The following CDC23 variants were observed in gnomAD, a reference collection of about 807,000 sequenced individuals.
The protein encoded by CDC23 is cell division cycle 23, also known as cell division cycle protein 23 homolog.
CDC23 carries 26 observed loss-of-function variants against 81.7 expected under a neutral mutation model. The ratio of observed to expected loss-of-function variants is 0.32; its 90% CI spans 0.23 to 0.44. The LOEUF (loss-of-function observed/expected upper bound fraction) is 0.44. Ranked by LOEUF, CDC23 falls within the 20% of genes least tolerant of loss-of-function variation. The pLI, the probability that CDC23 is intolerant of heterozygous loss-of-function variation, is 1.00. For missense variants in CDC23, 519 were observed against 728.0 expected, an observed-to-expected ratio of 0.71 and a Z score of 3.30; for synonymous variants, 267 against 270.8, an observed-to-expected ratio of 0.99 and a Z score of 0.14.
chr5:138,197,793 C>A (rs1754933852), intron 9 of CDC23, among the ~76,000 whole-genome samples: 1 of 152,238 alleles, frequency 6.6e-6, no homozygotes, highest in Admixed American at 6.5e-5. Flanking sequence ...CCGCGCCCAG[C>A]CCCTACACAT....
Position 138,188,914 on chromosome 5 carries a change from C to G in CDC23, c.*64G>C. 6.6e-7 allele frequency: 1 copy of G among 1,518,538 alleles called. No individual in the cohort carries two copies. The highest frequency in any genetic ancestry group is 9.0e-7 in the Non-Finnish European group (1 of 1,114,800). 94.1% of individuals were successfully genotyped at this position (1,518,538 alleles called of 1,614,324 possible). On this transcript the variant is annotated 3_prime_UTR_variant, in exon 16 of 16. Transcript: ENST00000394886. ...AGGTCCTTGGAACAGACGTGCTGTT[C>G]TTTACATGGAGGTAAGGCTTAATTA...
At chr5:138,209,079 G>GT (rs1007734288) in intron 2 of CDC23, among the ~76,000 whole-genome samples, 2 of 151,492 alleles carry the variant, frequency 1.3e-5, no homozygotes, top group Non-Finnish European at 2.9e-5. Flanking sequence ...GCCAGGTTGA[G>GT]TTTTTAAACC....
Position 138,189,748 on chromosome 5 carries a change from A to C in CDC23, c.1508T>G (p.Ile503Arg), listed in dbSNP as rs748041098. The change falls in exon 15 of 16, where the codon ATA becomes AGA. Residue 503 changes from isoleucine (I) to arginine (R), a missense_variant. Coordinates refer to ENST00000394886, the MANE Select transcript of CDC23 (RefSeq NM_004661.4). ...YIQDIYSCGE[I>R]VEHLEESTAF... ...AGTGCTTTCCTCCAAGTGTTCTACTATTTCCTAGAAAGGGAAAGCAAAATT... is the reference window on the plus strand; with the variant it reads ...AGTGCTTTCCTCCAAGTGTTCTACTCTTTCCTAGAAAGGGAAAGCAAAATT... 2 of 1,613,460 alleles carry C rather than the reference A, an allele frequency of 1.2e-6. No homozygotes were observed. The highest frequency in any genetic ancestry group is 1.7e-6 in the Non-Finnish European group (2 of 1,179,540).
intron 9 of CDC23, among the ~76,000 whole-genome samples, chr5:138,194,413 C>A (rs551651136): frequency 3.3e-5 from 5 of 152,070 alleles, no homozygotes; most frequent in African/African-American, 1.2e-4. Flanking sequence ...AGAGAGAGAC[C>A]GTGTCTCAAA....
At chr5:138,195,497 T>TA (rs1168233178) in intron 9 of CDC23, among the ~76,000 whole-genome samples, 4 of 129,038 alleles carry the variant, frequency 3.1e-5, no homozygotes, top group Admixed American at 9.9e-5. Context: ...TACATATATG[T>TA]AAAAAATATA....
chr5:138,207,497 T>C (rs988874472), intron 2 of CDC23, among the ~76,000 whole-genome samples: 3 of 152,230 alleles, frequency 2.0e-5, no homozygotes, highest in Non-Finnish European at 2.9e-5. Context: ...TGGCATTCTA[T>C]TCCTTCTCCT....
At chr5:138,209,145 G>A (rs1256246209) in intron 2 of CDC23, among the ~76,000 whole-genome samples, 1 of 152,042 alleles carries the variant, frequency 6.6e-6, no homozygotes, top group Non-Finnish European at 1.5e-5. Context: ...TAAGCTTCAG[G>A]GCCAGGTGTG....
At chr5:138,196,627 C>T (rs1237178061) in intron 9 of CDC23, among the ~76,000 whole-genome samples, 4 of 150,270 alleles carry the variant, frequency 2.7e-5, no homozygotes, top group African/African-American at 9.8e-5. Context: ...GTCGCCTAGG[C>T]TGGAGTGCAG....
At chr5:138,206,260 TA>T in intron 3 of CDC23, 1 of 471,066 alleles carries the variant, frequency 2.1e-6, no homozygotes, top group Non-Finnish European at 3.7e-6. Flanking sequence ...CTTTTTAACT[TA>T]ATTCTTACAC....
chr5:138,194,712 T>C lies in CDC23; in HGVS notation c.1013-2055A>G, dbSNP rs1201482436. On this transcript the variant is annotated intron_variant, in intron 9 of 15. Coordinates refer to ENST00000394886, the MANE Select transcript of CDC23 (RefSeq NM_004661.4). ...ACCTCAATAAAACTATGTGTTTTTT[T>C]GGTGTCTTTTTTTTTTTTTTTTTTT... Among the ~76,000 whole-genome samples the C allele has an allele frequency of 2.0e-5, 3 of 150,896 alleles. No homozygotes were observed. The East Asian group carries it at 5.8e-4, about 29-fold the overall frequency.
Position 138,206,599 on chromosome 5 carries a change from T to C in CDC23, c.320A>G (p.His107Arg), listed in dbSNP as rs749423819. ...ATAGGCTTTCTTGCTATTGCAGCCA[T>C]GCAGGAAATGTGCTGCCCGATCATA... ...KEYDRAAHFL[H>R]GCNSKKAYFL... Residue 107 changes from histidine (H) to arginine (R), a missense_variant, in exon 3 of 16, where the codon CAT (histidine) becomes CGT (arginine). Around this residue, in one of 4 missense-constraint regions of CDC23, gnomAD observed 180 missense variants for 239.3 expected, o/e 0.75. Transcript: ENST00000394886. The C allele has an allele frequency of 1.2e-6, 2 of 1,614,070 alleles. No individual in the cohort carries two copies. The highest frequency in any genetic ancestry group is 2.2e-5 in the South Asian group (2 of 91,086).
At chr5:138,194,761 G>A (rs1032793824) in intron 9 of CDC23, among the ~76,000 whole-genome samples, 6 of 132,420 alleles carry the variant, frequency 4.5e-5, no homozygotes, top group Admixed American at 3.6e-4. Flanking sequence ...CGCTCTTGTC[G>A]CCCAGGCTGG....
At chr5:138,197,030 TA>T (rs1456186654) in intron 9 of CDC23, among the ~76,000 whole-genome samples, 3 of 149,806 alleles carry the variant, frequency 2.0e-5, no homozygotes, top group African/African-American at 7.5e-5. Context: ...CTACTGAAGC[TA>T]GTAATTATGC....
At chr5:138,210,082 G>T (rs17234723) in intron 2 of CDC23, among the ~76,000 whole-genome samples, 76 of 151,904 alleles carry the variant, frequency 5.0e-4, no homozygotes, top group Middle Eastern at 3.4e-3. Context: ...CAGGTGTTGT[G>T]GCATGCACCT....
chr5:138,196,239 T>A (rs1458592027), intron 9 of CDC23, among the ~76,000 whole-genome samples: 2 of 151,956 alleles, frequency 1.3e-5, no homozygotes, highest in Non-Finnish European at 2.9e-5. Context: ...CCTCGAATGA[T>A]TATTAAAAGA....
At chr5:138,196,725 C>A (rs577855403) in intron 9 of CDC23, among the ~76,000 whole-genome samples, 1 of 149,450 alleles carries the variant, frequency 6.7e-6, no homozygotes, top group Non-Finnish European at 1.5e-5. Context: ...GGACTACAGG[C>A]GCCCGCCACC....
At chr5:138,207,413 G>C (rs1389514076) in intron 2 of CDC23, among the ~76,000 whole-genome samples, 3 of 152,120 alleles carry the variant, frequency 2.0e-5, no homozygotes, top group Non-Finnish European at 4.4e-5. Flanking sequence ...TCTGTAAAAT[G>C]AAGCCAATAA....
At chr5:138,195,772 G>GTATATATATACATATATTATATA (rs1561634205) in intron 9 of CDC23, among the ~76,000 whole-genome samples, 32 of 101,652 alleles carry the variant, frequency 3.1e-4, no homozygotes, top group African/African-American at 9.2e-4. Context: ...TATTATATAT[G>GTATATATATACATATATTATATA]TGTATATATA....
At chr5:138,207,210 A>G (rs1755060428) in intron 2 of CDC23, among the ~76,000 whole-genome samples, 1 of 152,182 alleles carries the variant, frequency 6.6e-6, no homozygotes, top group African/African-American at 2.4e-5. Context: ...TTCAAAATAA[A>G]AAAATGGAGA....
Sources: gnomAD v4.1 joint callset for allele counts (sites outside exome capture counted in the v4.1 genomes callset) on GRCh38, gnomAD v4.1.1 for gene constraint, gnomAD v4.1.1 regional missense constraint, MANE v1.5 for transcripts, NCBI Gene and HGNC (gene_info 2026-07-23, HGNC 2026-07-21) for gene names.